SIPA1L1: variants seen among roughly 807,000 people sequenced by gnomAD.
SIPA1L1 encodes the protein signal-induced proliferation-associated 1-like protein 1.
In SIPA1L1, 26 loss-of-function variants were observed where a neutral mutation model predicts 162.7. The ratio of observed to expected loss-of-function variants is 0.16; its 90% CI spans 0.12 to 0.22. The LOEUF (loss-of-function observed/expected upper bound fraction) is 0.22. Ranked by LOEUF, SIPA1L1 falls within the 10% of genes least tolerant of loss-of-function variation. SIPA1L1 has a pLI of 1.00. For synonymous variants in SIPA1L1, 829 were observed against 837.4 expected (o/e 0.99, Z 0.17); for missense variants, 1,874 against 2,241.0 (o/e 0.84, Z 3.31).
chr14:71,585,684 T>A (rs902805137), intron 4 of SIPA1L1, among the ~76,000 whole-genome samples: 1 of 152,192 alleles, frequency 6.6e-6, no homozygotes, highest in Non-Finnish European at 1.5e-5. Flanking sequence ...GAATGAATGT[T>A]TGGGGAATGA....
At chr14:71,558,361 G>A (rs2214836) in intron 4 of SIPA1L1, among the ~76,000 whole-genome samples, 1 of 152,034 alleles carries the variant, frequency 6.6e-6, no homozygotes, top group Non-Finnish European at 1.5e-5. Context: ...ATGAACCTGG[G>A]TTTACCTTTG....
chr14:71,351,375 G>A (rs531256130), intron 2 of SIPA1L1, among the ~76,000 whole-genome samples: 1 of 152,148 alleles, frequency 6.6e-6, no homozygotes, highest in Non-Finnish European at 1.5e-5. Context: ...TCTACATTTA[G>A]GACTCAACAC....
chr14:71,551,418 A>G (rs758104367), intron 4 of SIPA1L1, among the ~76,000 whole-genome samples: 1 of 152,214 alleles, frequency 6.6e-6, no homozygotes, highest in East Asian at 1.9e-4. Flanking sequence ...TGGGAGAATC[A>G]TCTGTCCAGT....
At chr14:71,635,019 T>G (rs1231478506) in intron 7 of SIPA1L1, among the ~76,000 whole-genome samples, 4 of 151,960 alleles carry the variant, frequency 2.6e-5, no homozygotes, top group Non-Finnish European at 5.9e-5. Context: ...GGCTCACACC[T>G]GTAATCCCAG....
intron 2 of SIPA1L1, among the ~76,000 whole-genome samples, chr14:71,502,885 C>G (rs1221325404): frequency 1.3e-5 from 2 of 152,116 alleles, no homozygotes; most frequent in Non-Finnish European, 2.9e-5. Flanking sequence ...TTAAATTTCT[C>G]CTAGCATAGT....
chr14:71,573,588 A>G (rs998091295), intron 4 of SIPA1L1: 12 of 456,648 alleles, frequency 2.6e-5, no homozygotes, highest in Non-Finnish European at 5.3e-5. Context: ...CTGAAGGAGG[A>G]AAGATGCCCG....
intron 2 of SIPA1L1, among the ~76,000 whole-genome samples, chr14:71,400,632 CATATATACATATAT>C (rs2041598556): frequency 6.7e-6 from 1 of 149,486 alleles, no homozygotes; most frequent in Non-Finnish European, 1.5e-5. Context: ...ATAATATATA[CATATATACATATAT>C]ATGTTAATAT....
chr14:71,361,532 C>T (rs192309186), intron 2 of SIPA1L1, among the ~76,000 whole-genome samples: 54 of 152,248 alleles, frequency 3.5e-4, no homozygotes, highest in African/African-American at 1.2e-3. Context: ...TCCTGGTCAA[C>T]GGGTTTTCCT....
At chr14:71,337,120 T>C (rs2035176360) in intron 2 of SIPA1L1, among the ~76,000 whole-genome samples, 1 of 152,208 alleles carries the variant, frequency 6.6e-6, no homozygotes. Context: ...TACATCAAAG[T>C]CATACTTTCC....
Position 71,645,142 on chromosome 14 carries a change from G to A in SIPA1L1, c.1819-5193G>A, listed in dbSNP as rs2042050065. 2.0e-5 allele frequency among the ~76,000 whole-genome samples: 3 copies of A among 152,184 alleles called. No individual in the cohort carries two copies. In the South Asian group the frequency reaches 6.2e-4, roughly 31 times the overall value. ...CCTTCCTCCATCTCCAAAGCCAGCA[G>A]TGTTGCCTCCCTTTGACCCTGCCTC... On this transcript the variant is annotated intron_variant, in intron 7 of 23. Coordinates refer to ENST00000381232, the MANE Select transcript of SIPA1L1 (RefSeq NM_001386936.1).
chr14:71,531,653 C>T (rs1326748621), intron 4 of SIPA1L1, among the ~76,000 whole-genome samples: 1 of 152,134 alleles, frequency 6.6e-6, no homozygotes, highest in African/African-American at 2.4e-5. Flanking sequence ...CAGCCTCGAC[C>T]TCCCAGGCTC....
At chr14:71,699,934 C>T (rs906067563) in intron 14 of SIPA1L1, among the ~76,000 whole-genome samples, 1 of 152,214 alleles carries the variant, frequency 6.6e-6, no homozygotes, top group African/African-American at 2.4e-5. Context: ...AACTGTGACT[C>T]TTAAACTACT....
chr14:71,445,417 T>G (rs1276191683), intron 2 of SIPA1L1, among the ~76,000 whole-genome samples: 1 of 152,246 alleles, frequency 6.6e-6, no homozygotes, highest in Non-Finnish European at 1.5e-5. Flanking sequence ...TCGGGAATTT[T>G]ATTTTAAAAT....
At chr14:71,688,346 A>G (rs2081016619) in intron 13 of SIPA1L1, among the ~76,000 whole-genome samples, 1 of 152,190 alleles carries the variant, frequency 6.6e-6, no homozygotes, top group Non-Finnish European at 1.5e-5. Flanking sequence ...AAATCCAAAA[A>G]CTTCCAAAAT....
chr14:71,655,639 T>G (rs1210195205), intron 8 of SIPA1L1, among the ~76,000 whole-genome samples: 1 of 152,200 alleles, frequency 6.6e-6, no homozygotes, highest in Non-Finnish European at 1.5e-5. Flanking sequence ...TCTGTTATTT[T>G]TTGACTTTTG....
chr14:71,458,677 T>C (rs1485965862), intron 2 of SIPA1L1, among the ~76,000 whole-genome samples: 1 of 152,222 alleles, frequency 6.6e-6, no homozygotes, highest in Admixed American at 6.5e-5. Flanking sequence ...TTACATATGC[T>C]ATCAGCTTTT....
intron 19 of SIPA1L1, among the ~76,000 whole-genome samples, chr14:71,729,425 A>G (rs936206669): frequency 2.0e-5 from 3 of 152,236 alleles, no homozygotes; most frequent in Non-Finnish European, 4.4e-5. Context: ...CGATAGGTTC[A>G]GTTGGTGTAA....
At position 71,702,399 on chromosome 14, in the gene SIPA1L1, A is replaced by G. The variant is rs753134366; in HGVS notation, c.3540A>G (p.Arg1180=). The change falls in exon 15 of 24, where the codon AGA becomes AGG. Residue 1180 remains arginine (R), a synonymous_variant. Coordinates refer to ENST00000381232, the MANE Select transcript of SIPA1L1 (RefSeq NM_001386936.1). ...SMPEGFGVSR[R]SPASIDRQNT... ...ACCACAGGTTTGGAGTGAGCCGTAG[A>G]TCCCCAGCCTCCATTGACAGGCAGA... is the stretch of plus-strand genomic sequence containing the variant. The G allele has an allele frequency of 1.9e-6, 3 of 1,613,998 alleles. No homozygotes were observed. The highest frequency in any genetic ancestry group is 1.3e-5 in the African/African-American group (1 of 74,932).
intron 2 of SIPA1L1, among the ~76,000 whole-genome samples, chr14:71,451,222 A>T (rs2045795886): frequency 6.6e-6 from 1 of 152,094 alleles, no homozygotes; most frequent in African/African-American, 2.4e-5. Flanking sequence ...TGTAGAATGT[A>T]GCTACCAGGG....
Sources: allele counts gnomAD v4.1 joint callset (sites outside exome capture counted in the v4.1 genomes callset), GRCh38; gene constraint gnomAD v4.1.1; transcripts MANE v1.5; gene names NCBI Gene and HGNC (gene_info 2026-07-23, HGNC 2026-07-21).